Variants in NEK5 observed in about 807,000 individuals in gnomAD.
NEK5 encodes serine/threonine-protein kinase Nek5.
NEK5 carries 88 observed loss-of-function variants against 109.2 expected under a neutral mutation model. That is an observed-to-expected ratio of 0.81 (90% confidence interval 0.68 to 0.96). The LOEUF (loss-of-function observed/expected upper bound fraction) is 0.96, where lower values mean the gene tolerates loss of function less well. Among genes scored for constraint, NEK5 ranks in the 40% least tolerant of loss-of-function variants. The pLI is 0.00. For missense variants in NEK5, 834 were observed against 920.7 expected (o/e 0.91, Z 1.22); for synonymous variants, 283 against 299.9 (o/e 0.94, Z 0.58).
chr13:52,047,117 A>AC lies in NEK5; in HGVS notation c.2228+2986_2228+2987insG, dbSNP rs1489868310. On this transcript the variant is annotated intron_variant, in intron 23 of 23. Transcript: ENST00000684899. ...CAACACACTGAGCAAGAGAATGGGG[A>AC]AATAGGCACTTCTAGATACTGATGT... 3.9e-3 allele frequency among the ~76,000 whole-genome samples: 592 copies of AC among 152,290 alleles called. 4 individuals are homozygous for AC. The highest frequency in any genetic ancestry group is 0.013 in the African/African-American group (549 of 41,564).
chr13:52,080,074 G>A (rs1954960940), intron 17 of NEK5, among the ~76,000 whole-genome samples: 1 of 150,886 alleles, frequency 6.6e-6, no homozygotes, highest in African/African-American at 2.4e-5. Flanking sequence ...CAGCCGCCCG[G>A]TCTGAGAAGT....
chr13:52,108,473 G>C (rs1955696494), intron 7 of NEK5, 69 bp from the exon 8 acceptor site: 1 of 933,910 alleles, frequency 1.1e-6, no homozygotes, highest in African/African-American at 1.7e-5. Flanking sequence ...TTAAGACATG[G>C]ACATGCAAGA....
intron 22 of NEK5, among the ~76,000 whole-genome samples, chr13:52,057,019 C>T (rs1389216997): frequency 5.9e-5 from 9 of 151,654 alleles, no homozygotes; most frequent in African/African-American, 9.7e-5. Flanking sequence ...GCTGGTTTTT[C>T]GAAAGGATCA....
chr13:52,116,445 T>C (rs1299820622), intron 4 of NEK5, among the ~76,000 whole-genome samples: 5 of 152,164 alleles, frequency 3.3e-5, no homozygotes, highest in African/African-American at 1.2e-4. Context: ...AGAGGATCAC[T>C]TGAGGCCAGG....
intron 21 of NEK5, among the ~76,000 whole-genome samples, chr13:52,064,263 C>A (rs1192411293): frequency 2.9e-5 from 4 of 137,902 alleles, no homozygotes; most frequent in African/African-American, 1.1e-4. Context: ...CCGCCCCGTC[C>A]GGGAGGTGAG....
At chr13:52,101,869 C>G (rs1955539323) in intron 11 of NEK5, 64 bp downstream of exon 11, 2 of 1,276,578 alleles carry the variant, frequency 1.6e-6, no homozygotes, top group African/African-American at 2.9e-5. Context: ...AATTTCCTTG[C>G]ATTACTCTCT....
rs201210682 is a variant in NEK5, at chr13:52,102,213, C to A, written c.689G>T (p.Arg230Leu). 1 of 1,613,834 alleles carries A rather than the reference C, an allele frequency of 6.2e-7. No individual in the cohort carries two copies. Among genetic ancestry groups the A allele is most frequent in the South Asian group, 1.1e-5 (1 of 91,068 alleles). The change falls in exon 10 of 24, where the codon CGT becomes CTT. Residue 230 changes from arginine (R) to leucine (L), a missense_variant. Physicochemically the swap from Arg to Leu is moderately radical, Grantham distance 102. This residue lies in a region of NEK5 where 777 missense variants were observed against 824.7 expected (regional missense o/e 0.94). Transcript: ENST00000684899. ...CTGAGATATCAAGGAATGGAGCTCA[C>A]GAGAAAACCCCGGAGATATTGGGGC... ...HFAPISPGFS[R>L]ELHSLISQLF...
chr13:52,054,688 G>C lies in NEK5; in HGVS notation c.2111-4467C>G, dbSNP rs562538530. Reference sequence around the variant, plus strand: ...TGGGAGGCACCCCCCAGCAGGGGCAGACTGACACCTCACACGGCCGGGTAC... The same window carrying C: ...TGGGAGGCACCCCCCAGCAGGGGCACACTGACACCTCACACGGCCGGGTAC... On this transcript the variant is annotated intron_variant, in intron 22 of 23. Transcript: ENST00000684899. Among the ~76,000 whole-genome samples, 681 of 152,292 alleles carry C rather than the reference G, an allele frequency of 4.5e-3. 1 individual carries two copies. Among genetic ancestry groups the C allele is most frequent in the South Asian group, 6.2e-3 (30 of 4,818 alleles).
Position 52,047,295 on chromosome 13 carries a change from T to TA in NEK5, c.2228+2808dup, listed in dbSNP as rs370819765. ...ATGTATTCAACATAATACTGTTAAATAAAAAAAAAGCAAATTATAGGACAG... is the reference window on the plus strand; with the variant it reads ...ATGTATTCAACATAATACTGTTAAATAAAAAAAAAAGCAAATTATAGGACAG... On this transcript the variant is annotated intron_variant, in intron 23 of 23. Transcript: ENST00000684899. Among the ~76,000 whole-genome samples the TA allele has an allele frequency of 2.1e-3, 321 of 151,036 alleles. 1 individual carries two copies. Among genetic ancestry groups the TA allele is most frequent in the African/African-American group, 6.0e-3 (247 of 41,178 alleles).
chr13:52,057,079 G>A (rs1433379779), intron 22 of NEK5, among the ~76,000 whole-genome samples: 3 of 151,736 alleles, frequency 2.0e-5, no homozygotes, highest in African/African-American at 7.3e-5. Context: ...AAAGAGAGAA[G>A]AATCAAATAG....
intron 3 of NEK5, among the ~76,000 whole-genome samples, chr13:52,125,503 C>T (rs1399773262): frequency 6.6e-6 from 1 of 152,202 alleles, no homozygotes; most frequent in Non-Finnish European, 1.5e-5. Context: ...GCAGAGCTTG[C>T]AGTGAGCCGA....
rs764932594 is a variant in NEK5 at position 52,087,345 on chromosome 13, T to A, written c.1385A>T (p.Lys462Met). Residue 462 changes from lysine to methionine, a missense_variant, in exon 15 of 24, where the codon AAG becomes ATG. This residue lies in a region of NEK5 where 777 missense variants were observed against 824.7 expected (regional missense o/e 0.94). Coordinates refer to ENST00000684899, the MANE Select transcript of NEK5 (RefSeq NM_001365552.1). ...AATTAAACAGTTTTTAACCTGTTCC[T>A]TCATTTCGTTTTTCCTAAATGGCAG... Reference protein sequence around the residue: ...QELPFRKNEMKEQEYWKQLEE... With the variant: ...QELPFRKNEMMEQEYWKQLEE... 3.3e-6 allele frequency: 5 copies of A among 1,524,282 alleles called. No homozygotes were observed. The South Asian group carries it at 5.6e-5, about 17-fold the overall frequency. The allele number at this position is 1,524,282 out of a possible 1,614,324, so 94.4% of individuals were successfully genotyped here.
chr13:52,044,933 T>A (rs142919221), intron 23 of NEK5, among the ~76,000 whole-genome samples: 1 of 152,058 alleles, frequency 6.6e-6, no homozygotes, highest in African/African-American at 2.4e-5. Flanking sequence ...GATTCTAATG[T>A]CCATATGGAA....
At chr13:52,112,137 T>C (rs188577677) in intron 5 of NEK5, 131 bp downstream of exon 5, 47 of 475,400 alleles carry the variant, frequency 9.9e-5, no homozygotes, top group African/African-American at 9.0e-4. Flanking sequence ...TGATCCACTA[T>C]TTTATGGTTT....
At chr13:52,119,704 C>G (rs1424682473) in intron 3 of NEK5, among the ~76,000 whole-genome samples, 1 of 151,966 alleles carries the variant, frequency 6.6e-6, no homozygotes, top group Non-Finnish European at 1.5e-5. Flanking sequence ...CCATATGGAG[C>G]CATATTTTAA....
chr13:52,119,470 A>G (rs558865587), intron 3 of NEK5, 55 bp from the exon 4 acceptor site: 1 of 856,360 alleles, frequency 1.2e-6, no homozygotes, highest in Admixed American at 2.2e-5. Context: ...TTTCAAGAAC[A>G]TGCTTTCTGC....
intron 23 of NEK5, among the ~76,000 whole-genome samples, chr13:52,045,316 G>C (rs562708341): frequency 2.0e-5 from 3 of 150,304 alleles, no homozygotes; most frequent in African/African-American, 7.3e-5. Context: ...ATTTTTAGTA[G>C]AGATGGGGTT....
intron 22 of NEK5, among the ~76,000 whole-genome samples, chr13:52,056,451 T>A (rs951334142): frequency 6.6e-6 from 1 of 150,442 alleles, no homozygotes; most frequent in African/African-American, 2.4e-5. Context: ...GCGGACCTAA[T>A]AGACATCTAC....
At chr13:52,107,696 C>T (rs1007320625) in intron 8 of NEK5, among the ~76,000 whole-genome samples, 1 of 151,504 alleles carries the variant, frequency 6.6e-6, no homozygotes, top group African/African-American at 2.4e-5. Context: ...TAAACCATGA[C>T]AAAATAATGA....
Sources: allele counts gnomAD v4.1 joint callset (sites outside exome capture counted in the v4.1 genomes callset), GRCh38; gene constraint gnomAD v4.1.1; regional missense constraint gnomAD v4.1.1; transcripts MANE v1.5; gene names NCBI Gene and HGNC (gene_info 2026-07-23, HGNC 2026-07-21).